The following TMEM132D variants were observed in gnomAD, a reference collection of about 807,000 sequenced individuals.
TMEM132D encodes mature OL transmembrane protein.
TMEM132D carries 21 observed loss-of-function variants against 62.3 expected under a neutral mutation model. The ratio of observed to expected loss-of-function variants is 0.34; its 90% CI spans 0.24 to 0.49. The LOEUF (loss-of-function observed/expected upper bound fraction) is 0.49. Among genes scored for constraint, TMEM132D ranks in the 20% least tolerant of loss-of-function variants. The pLI is 0.99. For synonymous variants in TMEM132D, 621 were observed against 575.6 expected, an observed-to-expected ratio of 1.08 and a Z score of -1.13; for missense variants, 1,346 against 1,402.8, an observed-to-expected ratio of 0.96 and a Z score of 0.65.
intron 3 of TMEM132D, among the ~76,000 whole-genome samples, chr12:129,482,831 C>T (rs1256606304): frequency 6.6e-6 from 1 of 151,690 alleles, no homozygotes; most frequent in Non-Finnish European, 1.5e-5. Flanking sequence ...CCTTTTTTCA[C>T]CTGGGTTAAT....
At chr12:129,457,905 G>A (rs1433856786) in intron 3 of TMEM132D, among the ~76,000 whole-genome samples, 1 of 152,120 alleles carries the variant, frequency 6.6e-6, no homozygotes, top group African/African-American at 2.4e-5. Context: ...ATGAGATTGG[G>A]GTGGGGACAC....
intron 2 of TMEM132D, among the ~76,000 whole-genome samples, chr12:129,687,151 C>T (rs889709804): frequency 2.0e-5 from 3 of 152,094 alleles, no homozygotes; most frequent in South Asian, 2.1e-4. Flanking sequence ...CACTGAGCTA[C>T]GGCACCTGTC....
chr12:129,424,635 G>A (rs1166857660), intron 3 of TMEM132D, among the ~76,000 whole-genome samples: 2 of 145,510 alleles, frequency 1.4e-5, no homozygotes, highest in African/African-American at 5.0e-5. Context: ...GTGAACCCGG[G>A]AGGCGGAGCT....
chr12:129,525,226 G>GTTTTTTTT (rs765569025), intron 3 of TMEM132D, among the ~76,000 whole-genome samples: 6 of 67,396 alleles, frequency 8.9e-5, no homozygotes, highest in Non-Finnish European at 1.2e-4. Flanking sequence ...TGCCCAGCCG[G>GTTTTTTTT]TTTTTTTTTT....
chr12:129,359,439 T>A (rs766980484), intron 3 of TMEM132D, among the ~76,000 whole-genome samples: 1 of 152,218 alleles, frequency 6.6e-6, no homozygotes, highest in Non-Finnish European at 1.5e-5. Flanking sequence ...CAAGTCACAT[T>A]GAGCGTTGTG....
intron 1 of TMEM132D, among the ~76,000 whole-genome samples, chr12:129,896,183 C>T (rs1256128803): frequency 1.3e-5 from 2 of 151,820 alleles, no homozygotes; most frequent in African/African-American, 2.4e-5. Flanking sequence ...TGGAGTCTTG[C>T]TTTGTTGCCC....
intron 3 of TMEM132D, among the ~76,000 whole-genome samples, chr12:129,375,483 G>A (rs12315104): frequency 0.22 from 32,897 of 152,100 alleles, 3,890 homozygotes; most frequent in Non-Finnish European, 0.27. Flanking sequence ...TGCATTGGGC[G>A]TGCCTTGGTA....
intron 2 of TMEM132D, among the ~76,000 whole-genome samples, chr12:129,659,035 T>G (rs1030146462): frequency 6.6e-6 from 1 of 152,032 alleles, no homozygotes; most frequent in African/African-American, 2.4e-5. Flanking sequence ...TGAATAGCTG[T>G]GAATACAGGT....
At chr12:129,742,997 G>A (rs1869655495) in intron 1 of TMEM132D, among the ~76,000 whole-genome samples, 4 of 152,210 alleles carry the variant, frequency 2.6e-5, no homozygotes, top group Admixed American at 2.6e-4. Flanking sequence ...AAGATCCACT[G>A]GGGGAATCAC....
intron 4 of TMEM132D, among the ~76,000 whole-genome samples, chr12:129,229,675 T>C (rs1879582661): frequency 6.6e-6 from 1 of 152,186 alleles, no homozygotes; most frequent in African/African-American, 2.4e-5. Flanking sequence ...TTGATAAACA[T>C]CAAAGAGCTG....
chr12:129,150,677 A>G lies in TMEM132D; in HGVS notation c.1443+58843T>C, dbSNP rs149196773. Among the ~76,000 whole-genome samples the G allele has an allele frequency of 4.9e-3, 748 of 152,318 alleles. 4 individuals carry two copies. Among genetic ancestry groups the G allele is most frequent in the African/African-American group, 0.016 (657 of 41,572 alleles). On this transcript the variant is annotated intron_variant, in intron 5 of 8. Transcript: ENST00000422113. ...GTGCTCCTGACCCTGGGCTTCTCCA[A>G]TTGAGAGCCACAGACACTGAAGATG...
At position 129,428,017 on chromosome 12, in the gene TMEM132D, A is replaced by G. The variant is rs531596980; in HGVS notation, c.1116-90200T>C. Among the ~76,000 whole-genome samples, 3 of 152,276 alleles carry G rather than the reference A, an allele frequency of 2.0e-5. No homozygotes were observed. The South Asian group carries it at 6.2e-4, about 32-fold the overall frequency. ...GAAATTTACACTTCTATAAAAATTC[A>G]TATATAATAATGAATGATTCCACCT... On this transcript the variant is annotated intron_variant, in intron 3 of 8. Coordinates refer to ENST00000422113, the MANE Select transcript of TMEM132D (RefSeq NM_133448.3).
intron 1 of TMEM132D, among the ~76,000 whole-genome samples, chr12:129,822,332 C>G (rs922661766): frequency 2.0e-5 from 3 of 152,246 alleles, no homozygotes; most frequent in South Asian, 2.1e-4. Context: ...GTTGCACAAA[C>G]AGCTGGGACT....
In TMEM132D at chr12:129,129,213, C is replaced by A. The variant is rs116903928; in HGVS notation, c.1444-44511G>T. On this transcript the variant is annotated intron_variant, in intron 5 of 8. Coordinates refer to ENST00000422113, the MANE Select transcript of TMEM132D (RefSeq NM_133448.3). ...AATTCCATGAGTACCCAATGTTTAG[C>A]TCCCCCTTATAAGTGAGAACATGAA... 8.4e-3 allele frequency among the ~76,000 whole-genome samples: 1,281 copies of A among 151,922 alleles called. 15 individuals carry two copies. Among genetic ancestry groups the A allele is most frequent in the South Asian group, 0.032 (152 of 4,818 alleles).
chr12:129,308,100 C>A (rs114604372), intron 4 of TMEM132D, among the ~76,000 whole-genome samples: 59 of 152,306 alleles, frequency 3.9e-4, no homozygotes, highest in African/African-American at 1.4e-3. Flanking sequence ...CTCTTTAGTT[C>A]TTCAAGCCTC....
At chr12:129,742,417 G>A (rs1869638601) in intron 1 of TMEM132D, among the ~76,000 whole-genome samples, 2 of 152,092 alleles carry the variant, frequency 1.3e-5, no homozygotes, top group East Asian at 3.9e-4. Flanking sequence ...CTTTTTGACA[G>A]TCAGATCTCA....
At position 129,560,622 on chromosome 12, in the gene TMEM132D, T is replaced by C. The variant is rs904206602; in HGVS notation, c.969-29417A>G. On this transcript the variant is annotated intron_variant, in intron 2 of 8. Coordinates refer to ENST00000422113, the MANE Select transcript of TMEM132D (RefSeq NM_133448.3). Reference sequence around the variant, plus strand: ...AAGAAGACAAACTAGTCCTGGTTCATACTCTCAAAGAGCTTAACACCCAGG... The same window carrying C: ...AAGAAGACAAACTAGTCCTGGTTCACACTCTCAAAGAGCTTAACACCCAGG... Among the ~76,000 whole-genome samples, 6 of 152,216 alleles carry C rather than the reference T, an allele frequency of 3.9e-5. No homozygotes were observed. The South Asian group carries it at 6.2e-4, about 16-fold the overall frequency.
chr12:129,690,280 G>T lies in TMEM132D; in HGVS notation c.968+9530C>A, dbSNP rs181435675. Among the ~76,000 whole-genome samples, 3 of 151,902 alleles carry T rather than the reference G, an allele frequency of 2.0e-5. 1 individual carries two copies. In the East Asian group the frequency reaches 5.8e-4, roughly 29 times the overall value. On this transcript the variant is annotated intron_variant, in intron 2 of 8. Coordinates refer to ENST00000422113, the MANE Select transcript of TMEM132D (RefSeq NM_133448.3). ...AGATACTGGAATCAGGCAGAAAAAG[G>T]GGCAGATACAGAACAAAGAACACAT...
chr12:129,846,672 C>T (rs1237420469), intron 1 of TMEM132D, among the ~76,000 whole-genome samples: 1 of 152,194 alleles, frequency 6.6e-6, no homozygotes, highest in African/African-American at 2.4e-5. Context: ...TTCTCTCTTT[C>T]ATCTTTGCTC....
Sources: gnomAD v4.1 joint callset for allele counts (sites outside exome capture counted in the v4.1 genomes callset) on GRCh38, gnomAD v4.1.1 for gene constraint, MANE v1.5 for transcripts, NCBI Gene and HGNC (gene_info 2026-07-23, HGNC 2026-07-21) for gene names.